The following CACNA2D1 variants were observed in gnomAD, a reference collection of about 807,000 sequenced individuals.
CACNA2D1 encodes voltage-dependent calcium channel subunit alpha-2/delta-1.
Under a neutral mutation model 171.5 loss-of-function variants are expected in CACNA2D1, and 53 were observed. That is an observed-to-expected ratio of 0.31 (90% confidence interval 0.25 to 0.39). The LOEUF is 0.39. Ranked by LOEUF, CACNA2D1 falls within the 10% of genes least tolerant of loss-of-function variation. CACNA2D1 has a pLI of 1.00. For missense variants in CACNA2D1, 903 were observed against 1,299.8 expected, an observed-to-expected ratio of 0.69 and a Z score of 4.69; for synonymous variants, 442 against 443.1, an observed-to-expected ratio of 1.00 and a Z score of 0.03.
chr7:82,293,742 G>T (rs970176655), intron 3 of CACNA2D1, among the ~76,000 whole-genome samples: 1 of 152,162 alleles, frequency 6.6e-6, no homozygotes, highest in African/African-American at 2.4e-5. Context: ...GTATGGGAAG[G>T]ATCTGGGAAT....
chr7:82,337,342 G>A (rs1483598647), intron 2 of CACNA2D1, among the ~76,000 whole-genome samples: 1 of 151,992 alleles, frequency 6.6e-6, no homozygotes, highest in African/African-American at 2.4e-5. Context: ...TCTTGCTTCT[G>A]GTTCCAAAGA....
Position 82,005,447 on chromosome 7 carries a change from TA to T in CACNA2D1, c.1565del (p.Leu522TyrfsTer17). 6.3e-7 allele frequency: 1 copy of T among 1,591,410 alleles called. No individual in the cohort carries two copies. ...CCTTTGGCTGAAGATTTGGATGTAA[TA>T]AAACATAACCATTAGGATCGATTGC... ...YFAIDPNGYVLLHPNLQPKNP... is the reference protein window; with the variant it reads ...YFAIDPNGYVXLHPNLQPKNP... On this transcript the variant is annotated frameshift_variant, in exon 18 of 39. Coordinates refer to ENST00000356860, the MANE Select transcript of CACNA2D1 (RefSeq NM_000722.4). LOFTEE classifies it high-confidence loss of function.
At chr7:81,978,982 G>C (rs1796163948) in intron 24 of CACNA2D1, among the ~76,000 whole-genome samples, 1 of 99,324 alleles carries the variant, frequency 1.0e-5, no homozygotes, top group African/African-American at 4.1e-5. Context: ...CAGCTGTATT[G>C]ATATCATTCA....
At chr7:82,297,072 C>CAAAAAAAAAAAAAAAAAAAAAAAA (rs57473351) in intron 3 of CACNA2D1, among the ~76,000 whole-genome samples, 9 of 72,238 alleles carry the variant, frequency 1.2e-4, no homozygotes, top group Non-Finnish European at 1.7e-4. Flanking sequence ...CTGTGTCTAC[C>CAAAAAAAAAAAAAAAAAAAAAAAA]AAAAAAAAAA....
At chr7:82,293,823 G>A (rs1402041923) in intron 3 of CACNA2D1, among the ~76,000 whole-genome samples, 1 of 152,096 alleles carries the variant, frequency 6.6e-6, no homozygotes, top group East Asian at 1.9e-4. Context: ...CTTTTTAAAG[G>A]CAGCTTGTGG....
intron 3 of CACNA2D1, among the ~76,000 whole-genome samples, chr7:82,259,828 C>G (rs1341989156): frequency 6.6e-6 from 1 of 152,160 alleles, no homozygotes; most frequent in Non-Finnish European, 1.5e-5. Context: ...TAACCTTGAA[C>G]AAGTTACTTA....
At chr7:82,186,743 AG>A (rs1324754212) in intron 3 of CACNA2D1, among the ~76,000 whole-genome samples, 2 of 152,194 alleles carry the variant, frequency 1.3e-5, no homozygotes, top group African/African-American at 4.8e-5. Context: ...GCAATCTAGT[AG>A]CAATTATAAT....
intron 25 of CACNA2D1, among the ~76,000 whole-genome samples, chr7:81,972,100 G>A (rs546274835): frequency 3.3e-5 from 5 of 151,616 alleles, no homozygotes; most frequent in African/African-American, 1.2e-4. Context: ...AAATTATTTT[G>A]TAAACTTTAT....
chr7:82,083,022 G>C (rs1408674172), intron 7 of CACNA2D1, among the ~76,000 whole-genome samples: 4 of 151,670 alleles, frequency 2.6e-5, no homozygotes, highest in Non-Finnish European at 4.4e-5. Context: ...CATTTTGCAT[G>C]CATTCTTTCC....
chr7:82,087,357 C>T (rs1033394245), intron 6 of CACNA2D1, among the ~76,000 whole-genome samples: 1 of 152,088 alleles, frequency 6.6e-6, no homozygotes, highest in African/African-American at 2.4e-5. Context: ...TTGACTGGAT[C>T]TACCTAACAA....
At chr7:82,206,419 TAAC>T (rs891318368) in intron 3 of CACNA2D1, among the ~76,000 whole-genome samples, 6 of 152,234 alleles carry the variant, frequency 3.9e-5, no homozygotes, top group African/African-American at 1.4e-4. Context: ...TAATAACTCT[TAAC>T]AAGTAACAAC....
intron 28 of CACNA2D1, among the ~76,000 whole-genome samples, chr7:81,969,558 CTATT>C (rs1251300329): frequency 1.3e-5 from 2 of 151,236 alleles, no homozygotes; most frequent in East Asian, 1.9e-4. Flanking sequence ...TGGAATTACT[CTATT>C]TAATTCCTTA....
chr7:82,235,734 GCCAAGCA>G (rs1803507646), intron 3 of CACNA2D1, among the ~76,000 whole-genome samples: 1 of 151,876 alleles, frequency 6.6e-6, no homozygotes. Context: ...TTCCTCAAAT[GCCAAGCA>G]CCATTGTCTA....
chr7:81,959,500 G>T (rs917834560), intron 37 of CACNA2D1, 143 bp from the exon 38 acceptor site: 8 of 778,746 alleles, frequency 1.0e-5, no homozygotes, highest in South Asian at 8.9e-5. Flanking sequence ...AGTACATAGG[G>T]ATTTAAAGAA....
Position 82,111,443 on chromosome 7 carries a change from TA to T in CACNA2D1, c.526+5600del, listed in dbSNP as rs1435039255. Among the ~76,000 whole-genome samples the T allele has an allele frequency of 1.2e-3, 121 of 97,968 alleles. 10 individuals are homozygous for T. The highest frequency in any genetic ancestry group is 3.7e-3 in the South Asian group (12 of 3,214). The allele number at this position is 97,968 out of a possible 152,430, so 64.3% of individuals were successfully genotyped here. Reference sequence around the variant, plus strand: ...ATATATGTGTGTATATATATATATATATTTTTTTTTTTTTTTTTTTTTGAGA... The same window carrying T: ...ATATATGTGTGTATATATATATATATTTTTTTTTTTTTTTTTTTTTTGAGA... On this transcript the variant is annotated intron_variant, in intron 6 of 38. Coordinates refer to ENST00000356860, the MANE Select transcript of CACNA2D1 (RefSeq NM_000722.4).
At chr7:82,394,995 A>G (rs1263380346) in intron 1 of CACNA2D1, among the ~76,000 whole-genome samples, 4 of 152,152 alleles carry the variant, frequency 2.6e-5, no homozygotes, top group African/African-American at 9.7e-5. Context: ...GACAATTTCA[A>G]TAGTAAAAAT....
At chr7:82,442,859 A>C (rs551848761) in intron 1 of CACNA2D1, among the ~76,000 whole-genome samples, 1 of 152,338 alleles carries the variant, frequency 6.6e-6, no homozygotes, top group African/African-American at 2.4e-5. Flanking sequence ...GCATCCAGTA[A>C]CGTGGGATAA....
chr7:82,239,104 T>C, intron 3 of CACNA2D1, among the ~76,000 whole-genome samples: 1 of 152,110 alleles, frequency 6.6e-6, no homozygotes, highest in East Asian at 1.9e-4. Context: ...CAATGAATTT[T>C]AGTTACATTC....
chr7:82,050,430 A>T (rs1442808440), intron 10 of CACNA2D1: 3 of 599,118 alleles, frequency 5.0e-6, no homozygotes, highest in Non-Finnish European at 8.9e-6. Context: ...TTCCCACAGG[A>T]TGACAGGAGG....
Sources: gnomAD v4.1 joint callset for allele counts (sites outside exome capture counted in the v4.1 genomes callset) on GRCh38, gnomAD v4.1.1 for gene constraint, MANE v1.5 for transcripts, NCBI Gene and HGNC (gene_info 2026-07-23, HGNC 2026-07-21) for gene names.